Variants in RAC2 observed in about 807,000 individuals in gnomAD.
RAC2 encodes Rac family small GTPase 2.
In RAC2, 1 loss-of-function variant was observed where a neutral mutation model predicts 24.0. That is an observed-to-expected ratio of 0.04 (90% CI 0.01 to 0.20). The LOEUF (loss-of-function observed/expected upper bound fraction) is 0.20. RAC2 is among the 10% of genes least tolerant of loss of function. The pLI is 1.00. For missense variants in RAC2, 130 were observed against 259.1 expected (o/e 0.50, Z 3.42); for synonymous variants, 114 against 106.8 (o/e 1.07, Z -0.41).
intron 5 of RAC2, among the ~76,000 whole-genome samples, chr22:37,229,203 C>G (rs867242537): frequency 1.3e-5 from 2 of 152,328 alleles, no homozygotes; most frequent in South Asian, 2.1e-4. Flanking sequence ...CTCTCCGGGC[C>G]TCAGTCTCCC....
At chr22:37,241,051 G>A (rs1239364460) in intron 2 of RAC2, 1 of 724,240 alleles carries the variant, frequency 1.4e-6, no homozygotes, top group Admixed American at 2.0e-5. Context: ...GGCCAGGGAG[G>A]GGCTGGTGCC....
At chr22:37,233,638 C>G (rs1223412473) in intron 2 of RAC2, among the ~76,000 whole-genome samples, 1 of 152,196 alleles carries the variant, frequency 6.6e-6, no homozygotes, top group Non-Finnish European at 1.5e-5. Context: ...CCCCCAGAAG[C>G]AAACCCTGAG....
intron 2 of RAC2, among the ~76,000 whole-genome samples, chr22:37,234,578 C>T (rs996862012): frequency 3.9e-5 from 6 of 152,202 alleles, no homozygotes; most frequent in Admixed American, 2.0e-4. Flanking sequence ...ACCTGGTCCA[C>T]TGAGACCTCC....
intron 2 of RAC2, among the ~76,000 whole-genome samples, chr22:37,237,048 G>A (rs1177345023): frequency 1.3e-5 from 2 of 152,144 alleles, no homozygotes; most frequent in Non-Finnish European, 2.9e-5. Context: ...ACTTAGCTGG[G>A]TGTGGTGGTG....
intron 2 of RAC2, among the ~76,000 whole-genome samples, chr22:37,236,632 A>G (rs1400539326): frequency 6.6e-6 from 1 of 152,110 alleles, no homozygotes; most frequent in Non-Finnish European, 1.5e-5. Context: ...CTGGCCCTAG[A>G]ATGGAGTGGA....
intron 3 of RAC2, 122 bp from the exon 4 acceptor site, chr22:37,232,116 C>A: frequency 2.0e-6 from 2 of 988,130 alleles, no homozygotes; most frequent in Middle Eastern, 2.5e-4. Flanking sequence ...ATGCTGGGGA[C>A]TTAGGATCTG....
intron 1 of RAC2, among the ~76,000 whole-genome samples, chr22:37,243,663 G>A (rs974830141): frequency 2.0e-5 from 3 of 152,190 alleles, no homozygotes; most frequent in Non-Finnish European, 2.9e-5. Flanking sequence ...TGAATAAGCT[G>A]AGGTTCAGAG....
intron 2 of RAC2, chr22:37,240,681 C>T: frequency 3.3e-6 from 1 of 301,912 alleles, no homozygotes; most frequent in Non-Finnish European, 6.4e-6. Context: ...CTGCCCTCCA[C>T]AGGCTCATAG....
intron 6 of RAC2, 30 bp downstream of exon 6, chr22:37,226,641 G>C (rs1377169246): frequency 1.2e-6 from 2 of 1,611,060 alleles, no homozygotes; most frequent in East Asian, 2.2e-5. Context: ...CTGTGTATGG[G>C]AGTTGGGCAC....
At chr22:37,238,708 G>C (rs151153221) in intron 2 of RAC2, among the ~76,000 whole-genome samples, 1 of 152,182 alleles carries the variant, frequency 6.6e-6, no homozygotes, top group Non-Finnish European at 1.5e-5. Context: ...GCAGACTCAG[G>C]CTCCCCATCT....
chr22:37,236,721 G>GA (rs1404718859), intron 2 of RAC2, among the ~76,000 whole-genome samples: 2 of 152,170 alleles, frequency 1.3e-5, no homozygotes, highest in Admixed American at 1.3e-4. Context: ...CCCCACGGAG[G>GA]AAGGATGGTG....
chr22:37,231,518 G>T lies in RAC2; in HGVS notation c.289-128C>A. The T allele has an allele frequency of 1.2e-6, 1 of 847,432 alleles. No individual in the cohort carries two copies. Among genetic ancestry groups the T allele is most frequent in the Non-Finnish European group, 1.9e-6 (1 of 529,474 alleles). 52.5% of individuals were successfully genotyped at this position (847,432 alleles called of 1,614,324 possible). On this transcript the variant is annotated intron_variant, in intron 4 of 6. Transcript: ENST00000249071. The surrounding 1 kb of genome is among the most constrained non-coding windows in gnomAD (Gnocchi z 5.5). ...AGCAAGTTGCCAGAAGATCAGAGGTGGGCACGACGGTGAGGAGAGAGAGAC... is the reference window on the plus strand; with the variant it reads ...AGCAAGTTGCCAGAAGATCAGAGGTTGGCACGACGGTGAGGAGAGAGAGAC...
intron 2 of RAC2, chr22:37,241,212 T>C: frequency 1.3e-6 from 1 of 772,906 alleles, no homozygotes; most frequent in South Asian, 1.4e-5. Flanking sequence ...TGTCCCCAGG[T>C]GTCCCTGTTC....
At chr22:37,236,166 A>C (rs1379757415) in intron 2 of RAC2, among the ~76,000 whole-genome samples, 1 of 152,210 alleles carries the variant, frequency 6.6e-6, no homozygotes, top group Non-Finnish European at 1.5e-5. Context: ...TGGAGCCATT[A>C]GGAGAATCCA....
Position 37,232,949 on chromosome 22 carries a change from T to C in RAC2, c.108-31A>G. 2.0e-6 allele frequency: 3 copies of C among 1,536,718 alleles called. No homozygotes were observed. The African/African-American group carries it at 4.1e-5, about 21-fold the overall frequency. On this transcript the variant is annotated intron_variant, in intron 2 of 6. Transcript: ENST00000249071. ...GGGAGCAGGCAAGGCGGAGGTAAGGTCAATCTCAAACCCCAGAACCTGGGA... is the reference window on the plus strand; with the variant it reads ...GGGAGCAGGCAAGGCGGAGGTAAGGCCAATCTCAAACCCCAGAACCTGGGA...
Position 37,225,942 on chromosome 22 carries a change from A to G in RAC2, c.*100T>C, listed in dbSNP as rs891717147. 1 of 153,152 alleles carries G rather than the reference A, an allele frequency of 6.5e-6. No individual in the cohort carries two copies. Among genetic ancestry groups the G allele is most frequent in the African/African-American group, 2.4e-5 (1 of 41,528 alleles). The allele number at this position is 153,152 out of a possible 1,614,324, so 9.5% of individuals were successfully genotyped here. A position where few individuals can be genotyped will look rare whatever the true frequency, so the allele number is the denominator to read the frequency against. On this transcript the variant is annotated 3_prime_UTR_variant, in exon 7 of 7. Coordinates refer to ENST00000249071, the MANE Select transcript of RAC2 (RefSeq NM_002872.5). ...CTGCAGCCATCTGCTAAGAAACGCC[A>G]CAGGGAGGGGACAGCATGGCCAGCC...
rs1601667813 is a variant in RAC2 at position 37,226,672 on chromosome 22, C to T, written c.*1G>A. On this transcript the variant is annotated splice_region_variant and 3_prime_UTR_variant, in exon 6 of 7. Transcript: ENST00000249071. ...GGCACTAGAGTGGGGGACTCTTACC[C>T]CTAGAGGAGGCTGCAGGCGCGCTTC... The T allele has an allele frequency of 1.2e-6, 2 of 1,612,642 alleles. No homozygotes were observed. Among genetic ancestry groups the T allele is most frequent in the Non-Finnish European group, 1.7e-6 (2 of 1,179,346 alleles).
Position 37,231,396 on chromosome 22 carries a change from C to T in RAC2, c.289-6G>A. 6.2e-7 allele frequency: 1 copy of T among 1,613,782 alleles called. No homozygotes were observed. The highest frequency in any genetic ancestry group is 1.1e-5 in the South Asian group (1 of 91,060). ...TGCCGCACTTCTGGGAACCACTGGGCAGGTGGGTGGGGGGACACAAGGTTG... is the reference window on the plus strand; with the variant it reads ...TGCCGCACTTCTGGGAACCACTGGGTAGGTGGGTGGGGGGACACAAGGTTG... On this transcript the variant is annotated splice_region_variant and splice_polypyrimidine_tract_variant and intron_variant, in intron 4 of 6. Transcript: ENST00000249071. This position sits in a 1 kb window ranked among gnomAD's most constrained non-coding sequence, Gnocchi z 5.5.
In RAC2 at chr22:37,244,011, C is replaced by T. The variant is rs557103620; in HGVS notation, c.35+103G>A. 118 of 1,484,716 alleles carry T rather than the reference C, an allele frequency of 7.9e-5. 1 individual carries two copies. In the South Asian group the frequency reaches 1.3e-3, roughly 16 times the overall value. The allele number at this position is 1,484,716 out of a possible 1,614,324, so 92.0% of individuals were successfully genotyped here. On this transcript the variant is annotated intron_variant, in intron 1 of 6. Transcript: ENST00000249071. Reference sequence around the variant, plus strand: ...TCCCCTCCAAGCTGCCTTCCAGGGACGCCTAGTTCTGCAGGGCCAGGGGCT... The same window carrying T: ...TCCCCTCCAAGCTGCCTTCCAGGGATGCCTAGTTCTGCAGGGCCAGGGGCT...
Sources: allele counts gnomAD v4.1 joint callset (sites outside exome capture counted in the v4.1 genomes callset), GRCh38; gene constraint gnomAD v4.1.1; non-coding constraint Gnocchi (gnomAD v3.1); transcripts MANE v1.5; gene names NCBI Gene and HGNC (gene_info 2026-07-23, HGNC 2026-07-21).